Variants in NPAS3 observed in about 807,000 individuals in gnomAD.
NPAS3 encodes the protein neuronal PAS domain protein 3.
NPAS3 carries 14 observed loss-of-function variants against 73.1 expected under a neutral mutation model. The ratio of observed to expected loss-of-function variants is 0.19; its 90% CI spans 0.13 to 0.30. The LOEUF (loss-of-function observed/expected upper bound fraction) is 0.30. Ranked by LOEUF, NPAS3 falls within the 10% of genes least tolerant of loss-of-function variation. The probability of loss-of-function intolerance (pLI) is 1.00; values close to 1 mark genes in which losing one functional copy is unlikely to be tolerated. For synonymous variants in NPAS3, 620 were observed against 541.5 expected, an observed-to-expected ratio of 1.14 and a Z score of -2.01; for missense variants, 1,096 against 1,250.0, an observed-to-expected ratio of 0.88 and a Z score of 1.86.
At chr14:33,483,936 A>AT (rs2051455354) in intron 4 of NPAS3, among the ~76,000 whole-genome samples, 1 of 152,094 alleles carries the variant, frequency 6.6e-6, no homozygotes, top group Non-Finnish European at 1.5e-5. Flanking sequence ...AACTTTATAC[A>AT]TTTTTCCAAA....
intron 5 of NPAS3, among the ~76,000 whole-genome samples, chr14:33,652,616 C>T (rs982857577): frequency 4.6e-5 from 7 of 152,196 alleles, no homozygotes; most frequent in Admixed American, 3.9e-4. Flanking sequence ...GTTGCCCTCA[C>T]GAAGCAAAAC....
intron 3 of NPAS3, among the ~76,000 whole-genome samples, chr14:33,341,403 T>C (rs895842057): frequency 6.6e-6 from 1 of 152,244 alleles, no homozygotes; most frequent in South Asian, 2.1e-4. Context: ...AATAGAAAGC[T>C]TAAAGTCCTG....
chr14:33,413,551 A>T (rs1204699570), intron 4 of NPAS3, among the ~76,000 whole-genome samples: 1 of 152,072 alleles, frequency 6.6e-6, no homozygotes, highest in East Asian at 1.9e-4. Flanking sequence ...GGGGCATCGG[A>T]AGCTGAGGAT....
chr14:33,356,503 A>G (rs2045344129), intron 3 of NPAS3, among the ~76,000 whole-genome samples: 1 of 152,206 alleles, frequency 6.6e-6, no homozygotes, highest in Non-Finnish European at 1.5e-5. Context: ...CAGTCTCCTC[A>G]CAGAATACAA....
At chr14:33,782,832 G>GAAAAAAAAAAAA in intron 9 of NPAS3, among the ~76,000 whole-genome samples, 1 of 149,394 alleles carries the variant, frequency 6.7e-6, no homozygotes, top group South Asian at 2.1e-4. Flanking sequence ...TTAAAAAAAA[G>GAAAAAAAAAAAA]AAAAAAACAG....
intron 2 of NPAS3, among the ~76,000 whole-genome samples, chr14:33,139,508 T>G (rs1485864991): frequency 1.3e-5 from 2 of 152,192 alleles, no homozygotes; most frequent in Non-Finnish European, 2.9e-5. Context: ...TGAGAAGATG[T>G]GGACGGGGTG....
intron 1 of NPAS3, among the ~76,000 whole-genome samples, chr14:33,010,804 A>G (rs1196297099): frequency 2.6e-5 from 4 of 151,990 alleles, no homozygotes; most frequent in Non-Finnish European, 5.9e-5. Flanking sequence ...GAGTAGTGGC[A>G]TGCACCTGTA....
intron 2 of NPAS3, among the ~76,000 whole-genome samples, chr14:33,102,087 A>C (rs2138893822): frequency 6.6e-6 from 1 of 152,186 alleles, no homozygotes; most frequent in African/African-American, 2.4e-5. Flanking sequence ...GGCCAGCATC[A>C]TCTCTTGCCT....
chr14:33,710,054 T>C (rs2060773988), intron 6 of NPAS3, among the ~76,000 whole-genome samples: 1 of 152,148 alleles, frequency 6.6e-6, no homozygotes, highest in Non-Finnish European at 1.5e-5. Context: ...TCTGTGGAGA[T>C]TGTGATTTCT....
chr14:33,485,683 G>A (rs10137606), intron 4 of NPAS3, among the ~76,000 whole-genome samples: 2,550 of 152,104 alleles, frequency 0.017, 59 homozygotes, highest in African/African-American at 0.057. Context: ...AGTTTTCTAC[G>A]TACTATATAT....
intron 4 of NPAS3, among the ~76,000 whole-genome samples, chr14:33,500,156 C>A (rs1425371279): frequency 6.6e-6 from 1 of 151,886 alleles, no homozygotes; most frequent in Non-Finnish European, 1.5e-5. Context: ...GAGCCATATA[C>A]AACCAATCAA....
Position 33,491,243 on chromosome 14 carries a change from GT to G in NPAS3, c.469-68866del, listed in dbSNP as rs555719395. 2.9e-3 allele frequency among the ~76,000 whole-genome samples: 424 copies of G among 147,272 alleles called. 2 individuals are homozygous for G. Among genetic ancestry groups the G allele is most frequent in the African/African-American group, 9.1e-3 (366 of 40,408 alleles). On this transcript the variant is annotated intron_variant, in intron 4 of 11. Coordinates refer to ENST00000356141, the Ensembl canonical transcript of NPAS3. ...TTCTTATGAGAGATGAACATTTAAA[GT>G]TTTTTTTTTTTCTCAAAGCCTAATA...
At chr14:33,636,988 TAC>T (rs2140161969) in intron 5 of NPAS3, among the ~76,000 whole-genome samples, 1 of 152,322 alleles carries the variant, frequency 6.6e-6, no homozygotes, top group East Asian at 1.9e-4. Context: ...TTAGAAATGT[TAC>T]ATCTATCTTT....
rs1455026002 is a variant in NPAS3, at chr14:33,746,508, T to C, written c.852+11176T>C. Among the ~76,000 whole-genome samples the C allele has an allele frequency of 2.6e-5, 4 of 151,540 alleles. No individual in the cohort carries two copies. The South Asian group carries it at 6.2e-4, about 24-fold the overall frequency. The stretch of plus-strand genomic sequence containing the variant: ...GGCCCTCTACTGACTCATTCTTTTT[T>C]TTTTTTTATGATGTATTTATTAATA... On this transcript the variant is annotated intron_variant, in intron 7 of 11. Coordinates refer to ENST00000356141, the Ensembl canonical transcript of NPAS3.
At chr14:33,619,333 AT>A (rs1425302369) in intron 5 of NPAS3, among the ~76,000 whole-genome samples, 1 of 152,184 alleles carries the variant, frequency 6.6e-6, no homozygotes, top group East Asian at 1.9e-4. Flanking sequence ...GCAAAAACTC[AT>A]TAATAGAAGC....
intron 7 of NPAS3, among the ~76,000 whole-genome samples, chr14:33,751,109 G>T (rs1177672322): frequency 6.6e-6 from 1 of 152,166 alleles, no homozygotes; most frequent in East Asian, 1.9e-4. Flanking sequence ...GAGTAGGAAC[G>T]TTCATGTGGT....
At chr14:33,711,199 A>G (rs537852215) in intron 6 of NPAS3, among the ~76,000 whole-genome samples, 38 of 152,254 alleles carry the variant, frequency 2.5e-4, no homozygotes, top group South Asian at 1.7e-3. Context: ...GATAAAATTA[A>G]TGTGATTTTA....
At chr14:33,669,355 C>T (rs1209663064) in intron 5 of NPAS3, among the ~76,000 whole-genome samples, 1 of 152,148 alleles carries the variant, frequency 6.6e-6, no homozygotes, top group Non-Finnish European at 1.5e-5. Context: ...CCTTGTAAAA[C>T]AAGGTTTTAA....
intron 5 of NPAS3, among the ~76,000 whole-genome samples, chr14:33,605,738 A>G (rs78014809): frequency 0.018 from 2,783 of 152,242 alleles, 51 homozygotes; most frequent in Non-Finnish European, 0.023. Flanking sequence ...AAATGGAGAG[A>G]TAGATACCAT....
Sources: gnomAD v4.1 joint callset for allele counts (sites outside exome capture counted in the v4.1 genomes callset) on GRCh38, gnomAD v4.1.1 for gene constraint, MANE v1.5 for transcripts, NCBI Gene and HGNC (gene_info 2026-07-23, HGNC 2026-07-21) for gene names.